Variants in INPPL1 observed in about 807,000 individuals in gnomAD.
INPPL1 encodes inositol polyphosphate phosphatase like 1, also known as phosphatidylinositol 3,4,5-trisphosphate 5-phosphatase 2.
In INPPL1, 91 loss-of-function variants were observed where a neutral mutation model predicts 139.3. That is an observed-to-expected ratio of 0.65 (90% CI 0.55 to 0.78). INPPL1 has a LOEUF of 0.78. INPPL1 is among the 30% of genes least tolerant of loss of function. The probability of loss-of-function intolerance (pLI) is 0.00; values close to 1 mark genes in which losing one functional copy is unlikely to be tolerated. For synonymous variants in INPPL1, 719 were observed against 686.6 expected (o/e 1.05, Z -0.74); for missense variants, 1,411 against 1,665.6 (o/e 0.85, Z 2.66).
In INPPL1 at chr11:72,234,662, G is replaced by A; in HGVS notation, c.2415+47G>A. The A allele has an allele frequency of 7.1e-7, 1 of 1,402,664 alleles. No homozygotes were observed. Among genetic ancestry groups the A allele is most frequent in the South Asian group, 1.2e-5 (1 of 86,342 alleles). 86.9% of individuals were successfully genotyped at this position (1,402,664 alleles called of 1,614,324 possible). On this transcript the variant is annotated intron_variant, in intron 21 of 27. Coordinates refer to ENST00000298229, the MANE Select transcript of INPPL1 (RefSeq NM_001567.4). This position sits in a 1 kb window ranked among gnomAD's most constrained non-coding sequence, Gnocchi z 4.2. ...CTGCTTATGGGTGAGGGCACAGAGA[G>A]GGGTACATAAGAGTTTATTGGAGAG...
Position 72,228,146 on chromosome 11 carries a change from C to T in INPPL1, c.183-44C>T. ...AGGAAGGGGTGCTTTGGGTCTTAGA[C>T]CCCAGCCTGGGGGTGACAGATTCTG... On this transcript the variant is annotated intron_variant, in intron 1 of 27. Transcript: ENST00000298229. The surrounding 1 kb of genome is among the most constrained non-coding windows in gnomAD (Gnocchi z 5.0). 1 of 1,610,608 alleles carries T rather than the reference C, an allele frequency of 6.2e-7. No individual in the cohort carries two copies. Among genetic ancestry groups the T allele is most frequent in the Non-Finnish European group, 8.5e-7 (1 of 1,176,916 alleles).
At position 72,235,848 on chromosome 11, in the gene INPPL1, C is replaced by T. The variant is rs1313734902; in HGVS notation, c.2741C>T (p.Ser914Leu). 6.2e-7 allele frequency: 1 copy of T among 1,612,222 alleles called. No individual in the cohort carries two copies. The highest frequency in any genetic ancestry group is 1.7e-5 in the Admixed American group (1 of 59,920). The change falls in exon 25 of 28, where the codon TCA becomes TTA. Residue 914 changes from serine (S) to leucine (L), a missense_variant and splice_region_variant. By Grantham distance (145) the Ser-to-Leu change is moderately radical. Transcript: ENST00000298229. The surrounding 1 kb of genome is among the most constrained non-coding windows in gnomAD (Gnocchi z 4.9). ...SVSRGSQEPRSGSRKPAFTEA... is the reference protein window; with the variant it reads ...SVSRGSQEPRLGSRKPAFTEA... ...TCTCTCCTGTGCATCCCTGGCAGGT[C>T]AGGGAGCCGCAAGCCAGCCTTCACA... is the stretch of plus-strand genomic sequence containing the variant.
intron 1 of INPPL1, among the ~76,000 whole-genome samples, chr11:72,225,834 C>T (rs993236733): frequency 4.6e-5 from 7 of 152,198 alleles, no homozygotes; most frequent in Non-Finnish European, 1.0e-4. Context: ...GAGAGCAGAG[C>T]CAGACTTGGT....
At chr11:72,227,549 G>A (rs984614338) in intron 1 of INPPL1, among the ~76,000 whole-genome samples, 3 of 152,100 alleles carry the variant, frequency 2.0e-5, no homozygotes, top group African/African-American at 4.8e-5. Context: ...TCCATCCCCC[G>A]CTGATTGTGC....
intron 1 of INPPL1, among the ~76,000 whole-genome samples, chr11:72,227,273 C>T (rs1948700805): frequency 1.3e-5 from 2 of 152,172 alleles, no homozygotes; most frequent in South Asian, 2.1e-4. Flanking sequence ...CCTGTTTCCT[C>T]AGCTGGAGAA....
Position 72,235,055 on chromosome 11 carries a change from G to T in INPPL1, c.2416-61G>T. On this transcript the variant is annotated intron_variant, in intron 21 of 27. Transcript: ENST00000298229. The surrounding 1 kb of genome is among the most constrained non-coding windows in gnomAD (Gnocchi z 4.9). ...ATTGAGTGGTGTCAGGGGGCAGCGC[G>T]TAGGAGGGGCAGGAGGAAGTGGCGG... The T allele has an allele frequency of 7.1e-7, 1 of 1,401,340 alleles. No individual in the cohort carries two copies. Among genetic ancestry groups the T allele is most frequent in the South Asian group, 1.2e-5 (1 of 83,832 alleles). 86.8% of individuals were successfully genotyped at this position (1,401,340 alleles called of 1,614,324 possible).
At position 72,238,272 on chromosome 11, in the gene INPPL1, C is replaced by G. The variant is rs560477019; in HGVS notation, c.3696C>G (p.Thr1232=). 3.1e-5 allele frequency: 50 copies of G among 1,612,760 alleles called. No individual in the cohort carries two copies. The South Asian group carries it at 5.3e-4, about 17-fold the overall frequency. The change falls in exon 28 of 28, where the codon ACC becomes ACG. Residue 1232 remains threonine, a synonymous_variant. Coordinates refer to ENST00000298229, the MANE Select transcript of INPPL1 (RefSeq NM_001567.4). The part of the protein sequence containing the change: ...WDDLEFLSDI[T]EEDLEEAGVQ... ...CTGTTTTACTCCACAGTGACATCAC[C>G]GAGGAGGACTTGGAGGAGGCTGGGG...
intron 1 of INPPL1, 139 bp downstream of exon 1, chr11:72,225,305 G>T: frequency 4.1e-6 from 5 of 1,222,254 alleles, no homozygotes; most frequent in Non-Finnish European, 5.1e-6. Context: ...GGGAGCCTTG[G>T]CTTTCTCCTG....
chr11:72,236,710 C>T (rs189692951), intron 25 of INPPL1, among the ~76,000 whole-genome samples: 1 of 152,288 alleles, frequency 6.6e-6, no homozygotes, highest in Non-Finnish European at 1.5e-5. Flanking sequence ...GGTTTTATCC[C>T]TAGGCTTGAA....
chr11:72,233,335 G>A, intron 17 of INPPL1, 106 bp from the exon 18 acceptor site: 1 of 1,102,700 alleles, frequency 9.1e-7, no homozygotes, highest in Non-Finnish European at 1.4e-6. Context: ...TGGGTGCTAG[G>A]GCCTCTAGTA....
At position 72,228,620 on chromosome 11, in the gene INPPL1, G is replaced by C; in HGVS notation, c.398-107G>C. On this transcript the variant is annotated intron_variant, in intron 3 of 27. Coordinates refer to ENST00000298229, the MANE Select transcript of INPPL1 (RefSeq NM_001567.4). This position sits in a 1 kb window ranked among gnomAD's most constrained non-coding sequence, Gnocchi z 5.0. ...CCCTTTCCCTTGGCCATGATGCCGGGGCCCTTTAACCCTCTTTCCATGGAA... is the reference window on the plus strand; with the variant it reads ...CCCTTTCCCTTGGCCATGATGCCGGCGCCCTTTAACCCTCTTTCCATGGAA... The C allele has an allele frequency of 6.5e-7, 1 of 1,541,598 alleles. No homozygotes were observed. The highest frequency in any genetic ancestry group is 8.8e-7 in the Non-Finnish European group (1 of 1,138,292).
At chr11:72,227,568 C>T (rs910414787) in intron 1 of INPPL1, among the ~76,000 whole-genome samples, 4 of 152,106 alleles carry the variant, frequency 2.6e-5, no homozygotes, top group Non-Finnish European at 1.5e-5. Flanking sequence ...GCACCTGGCT[C>T]AGCTGCCACC....
Position 72,238,045 on chromosome 11 carries a change from C to G in INPPL1, c.3556C>G (p.Pro1186Ala). Residue 1186 changes from proline to alanine, a missense_variant, in exon 27 of 28, where the codon CCG becomes GCG. Coordinates refer to ENST00000298229, the MANE Select transcript of INPPL1 (RefSeq NM_001567.4). ...SIQEDLAEEA[P>A]CLQGGRASGL... Reference sequence around the variant, plus strand: ...CTGACATGCCCTGTTTCCTTAGGCTCCGTGCCTGCAGGGCGGGCGGGCCAG... The same window carrying G: ...CTGACATGCCCTGTTTCCTTAGGCTGCGTGCCTGCAGGGCGGGCGGGCCAG... 1 of 1,546,360 alleles carries G rather than the reference C, an allele frequency of 6.5e-7. No individual in the cohort carries two copies. The highest frequency in any genetic ancestry group is 8.7e-7 in the Non-Finnish European group (1 of 1,148,442).
At chr11:72,226,080 AC>A (rs1430185901) in intron 1 of INPPL1, among the ~76,000 whole-genome samples, 3 of 148,608 alleles carry the variant, frequency 2.0e-5, no homozygotes, top group African/African-American at 7.5e-5. Context: ...AGCTCTGTGA[AC>A]CCCCTCCCAA....
Position 72,232,609 on chromosome 11 carries a change from C to T in INPPL1, c.1713-17C>T, listed in dbSNP as rs760187586. On this transcript the variant is annotated splice_polypyrimidine_tract_variant and intron_variant, in intron 14 of 27. Coordinates refer to ENST00000298229, the MANE Select transcript of INPPL1 (RefSeq NM_001567.4). ...CCTGGGGATCTACCCCTCCCCACCA[C>T]GCACCCCTCACCCTAGGAGGAACCA... The T allele has an allele frequency of 1.1e-5, 18 of 1,612,116 alleles. No individual in the cohort carries two copies. Among genetic ancestry groups the T allele is most frequent in the African/African-American group, 4.0e-5 (3 of 74,828 alleles).
rs112903949 is a variant in INPPL1 at position 72,234,732 on chromosome 11, AGTGTGTGTGTGTGTGTGTGT to A, written c.2415+130_2415+149del. On this transcript the variant is annotated intron_variant, in intron 21 of 27. Transcript: ENST00000298229. The surrounding 1 kb of genome is among the most constrained non-coding windows in gnomAD (Gnocchi z 4.2). Reference sequence around the variant, plus strand: ...GGGGCCAGCAGAGAGAGAGAGAGAGAGTGTGTGTGTGTGTGTGTGTGTGTGTGTGTGTATGGGCATGGGCA... The same window carrying A: ...GGGGCCAGCAGAGAGAGAGAGAGAGAGTGTGTGTGTGTATGGGCATGGGCA... 2 of 528,412 alleles carry A rather than the reference AGTGTGTGTGTGTGTGTGTGT, an allele frequency of 3.8e-6. No individual in the cohort carries two copies. Among genetic ancestry groups the A allele is most frequent in the African/African-American group, 2.1e-5 (1 of 48,502 alleles). The allele number at this position is 528,412 out of a possible 1,614,324, so 32.7% of individuals were successfully genotyped here. A position where few individuals can be genotyped will look rare whatever the true frequency, so the allele number is the denominator to read the frequency against.
Position 72,235,166 on chromosome 11 carries a change from G to T in INPPL1, c.2466G>T (p.Leu822=). ...DIEYLQDQHL[L]LTVKSMDGYE... is the part of the protein sequence containing the mutation. ...AGTACCTGCAGGACCAGCACCTCCT[G>T]CTCACAGTCAAGTCCATGGATGGCT... is the stretch of plus-strand genomic sequence containing the variant. The change falls in exon 22 of 28, where the codon CTG becomes CTT. Residue 822 remains leucine, a synonymous_variant. Transcript: ENST00000298229. The surrounding 1 kb of genome is among the most constrained non-coding windows in gnomAD (Gnocchi z 4.9). 1 of 1,614,054 alleles carries T rather than the reference G, an allele frequency of 6.2e-7. No homozygotes were observed. Among genetic ancestry groups the T allele is most frequent in the Non-Finnish European group, 8.5e-7 (1 of 1,180,004 alleles).
At chr11:72,225,683 G>A (rs572428023) in intron 1 of INPPL1, 110 of 219,254 alleles carry the variant, frequency 5.0e-4, no homozygotes, top group African/African-American at 2.5e-3. Context: ...GGTGTAGAGA[G>A]GAAGGCTTGG....
In INPPL1 at chr11:72,231,069, A is replaced by G. The variant is rs1361733392; in HGVS notation, c.1377A>G (p.Thr459=). The G allele has an allele frequency of 6.2e-7, 1 of 1,614,160 alleles. No homozygotes were observed. The highest frequency in any genetic ancestry group is 1.1e-5 in the South Asian group (1 of 91,086). The change falls in exon 12 of 28, where the codon ACA becomes ACG. Residue 459 remains threonine, a synonymous_variant. Coordinates refer to ENST00000298229, the MANE Select transcript of INPPL1 (RefSeq NM_001567.4). The part of the protein sequence containing the change: ...KGLGKTLDEV[T]VTIPHDIYVF... ...TGGGGAAGACCCTGGACGAGGTCAC[A>G]GTGACCATACCCCATGACATCTATG...
Sources: allele counts gnomAD v4.1 joint callset (sites outside exome capture counted in the v4.1 genomes callset), GRCh38; gene constraint gnomAD v4.1.1; non-coding constraint Gnocchi (gnomAD v3.1); transcripts MANE v1.5; gene names NCBI Gene and HGNC (gene_info 2026-07-23, HGNC 2026-07-21).